YPEL2: variants seen among roughly 807,000 people sequenced by gnomAD.
YPEL2 encodes protein yippee-like 2.
YPEL2 carries 2 observed loss-of-function variants against 19.1 expected under a neutral mutation model. The ratio of observed to expected loss-of-function variants is 0.10; its 90% confidence interval spans 0.04 to 0.33. The LOEUF (loss-of-function observed/expected upper bound fraction) is 0.33. Ranked by LOEUF, YPEL2 falls within the 10% of genes least tolerant of loss-of-function variation. The pLI, the probability that YPEL2 is intolerant of heterozygous loss-of-function variation, is 1.00. For missense variants in YPEL2, 66 were observed against 140.7 expected (o/e 0.47, Z 2.68); for synonymous variants, 52 against 50.0 (o/e 1.04, Z -0.17).
intron 4 of YPEL2, among the ~76,000 whole-genome samples, chr17:59,393,381 T>C (rs1206424323): frequency 1.3e-5 from 2 of 151,258 alleles, no homozygotes; most frequent in African/African-American, 4.9e-5. Flanking sequence ...GCAGTCTTCC[T>C]GCCTCAGCCT....
chr17:59,336,364 A>G (rs1366347615), intron 1 of YPEL2, among the ~76,000 whole-genome samples: 4 of 152,182 alleles, frequency 2.6e-5, no homozygotes, highest in African/African-American at 9.7e-5. Context: ...TACCCCAGTA[A>G]CCTTATTCTA....
chr17:59,389,193 G>A (rs780201314), intron 3 of YPEL2, 167 bp from the exon 4 acceptor site: 40 of 571,276 alleles, frequency 7.0e-5, no homozygotes, highest in Non-Finnish European at 1.2e-4. Context: ...TTCCAGCTGA[G>A]ATATTTCCCT....
chr17:59,387,356 G>A (rs1294237360), intron 2 of YPEL2, among the ~76,000 whole-genome samples: 3 of 151,618 alleles, frequency 2.0e-5, no homozygotes, highest in South Asian at 2.1e-4. Flanking sequence ...ATTGTCTCGC[G>A]TGCTGATCTG....
intron 1 of YPEL2, among the ~76,000 whole-genome samples, chr17:59,349,652 G>A (rs771785322): frequency 4.0e-5 from 6 of 151,452 alleles, no homozygotes; most frequent in Non-Finnish European, 8.8e-5. Context: ...CCCACAGGCT[G>A]GCCTTTTGTT....
rs549731261 is a variant in YPEL2 at position 59,394,227 on chromosome 17, C to T, written c.271-2874C>T. The stretch of plus-strand genomic sequence containing the variant: ...CCTCCCTCCCAGACAGGGTGGCTGC[C>T]GGGCGGAGACACTCCTCACTTCCCA... On this transcript the variant is annotated intron_variant, in intron 4 of 4. Transcript: ENST00000312655. Among the ~76,000 whole-genome samples the T allele has an allele frequency of 1.2e-4, 19 of 152,094 alleles. No individual in the cohort carries two copies. In the South Asian group the frequency reaches 1.5e-3, roughly 12 times the overall value.
At chr17:59,388,280 T>C in intron 2 of YPEL2, 47 bp from the exon 3 acceptor site, 1 of 1,606,002 alleles carries the variant, frequency 6.2e-7, no homozygotes, top group Non-Finnish European at 8.5e-7. Flanking sequence ...CCCAAACAGA[T>C]AGGTGAAATG....
chr17:59,366,864 G>A (rs974703670), intron 2 of YPEL2, among the ~76,000 whole-genome samples: 1 of 152,126 alleles, frequency 6.6e-6, no homozygotes, highest in African/African-American at 2.4e-5. Context: ...TTCCCGCAGC[G>A]GGAGAAAAAA....
chr17:59,334,785 C>T (rs973229976), intron 1 of YPEL2, among the ~76,000 whole-genome samples: 4 of 152,120 alleles, frequency 2.6e-5, no homozygotes, highest in Non-Finnish European at 4.4e-5. Context: ...GAGCATCAAG[C>T]GTGGGATTTT....
At chr17:59,389,780 A>G (rs1022548378) in intron 4 of YPEL2, among the ~76,000 whole-genome samples, 1 of 151,914 alleles carries the variant, frequency 6.6e-6, no homozygotes, top group Non-Finnish European at 1.5e-5. Context: ...GTTAGATGCT[A>G]TCTTCACCTC....
intron 3 of YPEL2, 37 bp from the exon 4 acceptor site, chr17:59,389,323 C>CT: frequency 6.4e-7 from 1 of 1,572,162 alleles, no homozygotes; most frequent in Non-Finnish European, 8.7e-7. Flanking sequence ...GTGCGTGTCA[C>CT]TAACTACCCA....
At chr17:59,365,601 A>G (rs928018766) in intron 2 of YPEL2, among the ~76,000 whole-genome samples, 22 of 152,194 alleles carry the variant, frequency 1.4e-4, no homozygotes, top group African/African-American at 4.8e-4. Flanking sequence ...TTTGAAAGAA[A>G]CCACTTTCTT....
chr17:59,377,275 T>G (rs1378253312), intron 2 of YPEL2, among the ~76,000 whole-genome samples: 4 of 152,218 alleles, frequency 2.6e-5, no homozygotes, highest in Non-Finnish European at 4.4e-5. Context: ...TTTTTAACTC[T>G]AACAGTTGTT....
intron 4 of YPEL2, among the ~76,000 whole-genome samples, chr17:59,393,967 C>T (rs2048022563): frequency 1.3e-5 from 2 of 152,386 alleles, no homozygotes; most frequent in African/African-American, 2.4e-5. Flanking sequence ...CCCACCTTTC[C>T]CCCTTTTCTA....
At chr17:59,390,739 C>T (rs1324868542) in intron 4 of YPEL2, among the ~76,000 whole-genome samples, 2 of 152,200 alleles carry the variant, frequency 1.3e-5, no homozygotes, top group East Asian at 3.9e-4. Context: ...ATTGTCCTAA[C>T]ATGCGCTGGG....
intron 4 of YPEL2, among the ~76,000 whole-genome samples, chr17:59,393,338 A>G (rs2048017750): frequency 1.4e-5 from 2 of 143,270 alleles, no homozygotes. Flanking sequence ...GGTTTTTGTC[A>G]TGTTTCCCAG....
At chr17:59,387,414 A>G (rs1008081856) in intron 2 of YPEL2, among the ~76,000 whole-genome samples, 1 of 151,892 alleles carries the variant, frequency 6.6e-6, no homozygotes, top group African/African-American at 2.4e-5. Flanking sequence ...TTAGCCACTC[A>G]TCTCCTTGTT....
intron 2 of YPEL2, among the ~76,000 whole-genome samples, chr17:59,376,968 AAAAAAAAC>A (rs2047924715): frequency 6.6e-6 from 1 of 150,460 alleles, no homozygotes; most frequent in Non-Finnish European, 1.5e-5. Flanking sequence ...AAAAAAAAAA[AAAAAAAAC>A]AAAGAAAAAG....
chr17:59,351,722 C>T (rs1567736791), intron 1 of YPEL2, among the ~76,000 whole-genome samples: 1 of 152,304 alleles, frequency 6.6e-6, no homozygotes, highest in African/African-American at 2.4e-5. Flanking sequence ...GGAGACTGAG[C>T]AGGGGCGACA....
intron 2 of YPEL2, chr17:59,362,806 T>C (rs1210170094): frequency 6.6e-6 from 1 of 152,242 alleles, no homozygotes; most frequent in East Asian, 1.9e-4. Flanking sequence ...GTTTGAGCAG[T>C]GGCACTCCCT....
Sources: gnomAD v4.1 joint callset for allele counts (sites outside exome capture counted in the v4.1 genomes callset) on GRCh38, gnomAD v4.1.1 for gene constraint, MANE v1.5 for transcripts, NCBI Gene and HGNC (gene_info 2026-07-23, HGNC 2026-07-21) for gene names.